Variants in EYA3 observed in about 807,000 individuals in gnomAD.
EYA3 encodes the protein EYA transcriptional coactivator and phosphatase 3, also known as protein phosphatase EYA3.
In EYA3, 39 loss-of-function variants were observed where a neutral mutation model predicts 80.0. That is an observed-to-expected ratio of 0.49 (90% confidence interval 0.38 to 0.64). The LOEUF is 0.64. Among genes scored for constraint, EYA3 ranks in the 30% least tolerant of loss-of-function variants. The probability of loss-of-function intolerance (pLI) is 0.00; values close to 1 mark genes in which losing one functional copy is unlikely to be tolerated. For missense variants in EYA3, 523 were observed against 676.1 expected (o/e 0.77, Z 2.51); for synonymous variants, 206 against 232.8 (o/e 0.88, Z 1.05).
intron 16 of EYA3, among the ~76,000 whole-genome samples, chr1:27,982,597 TTTTC>T (rs1639383348): frequency 6.6e-6 from 1 of 151,670 alleles, no homozygotes; most frequent in Non-Finnish European, 1.5e-5. Flanking sequence ...GTTCATCAGT[TTTTC>T]TTTTTTTTTG....
intron 1 of EYA3, 137 bp from the exon 2 acceptor site, chr1:28,058,231 A>C: frequency 2.4e-6 from 1 of 416,870 alleles, no homozygotes; most frequent in Non-Finnish European, 4.3e-6. Flanking sequence ...TCAAACCTGC[A>C]CGTGGCTTTT....
At chr1:28,019,097 C>T (rs1231634175) in intron 7 of EYA3, among the ~76,000 whole-genome samples, 1 of 152,094 alleles carries the variant, frequency 6.6e-6, no homozygotes, top group African/African-American at 2.4e-5. Flanking sequence ...ACTCGGGAGG[C>T]AGAGGTTGCA....
chr1:27,998,017 C>G (rs1640575544), intron 12 of EYA3, among the ~76,000 whole-genome samples: 1 of 152,062 alleles, frequency 6.6e-6, no homozygotes, highest in Non-Finnish European at 1.5e-5. Context: ...TTTTTTCCCC[C>G]GCTTCTAATC....
At chr1:28,042,795 A>C (rs1374301803) in intron 3 of EYA3, 145 bp from the exon 4 acceptor site, 2 of 661,044 alleles carry the variant, frequency 3.0e-6, no homozygotes, top group Non-Finnish European at 5.4e-6. Context: ...GATTTTTAAC[A>C]ACTACTTGAA....
chr1:28,028,639 A>G (rs1323382730), intron 6 of EYA3, among the ~76,000 whole-genome samples: 1 of 150,192 alleles, frequency 6.7e-6, no homozygotes, highest in Non-Finnish European at 1.5e-5. Context: ...CTGGTCTTGA[A>G]CTCCAGGCCT....
chr1:28,031,076 CTCTTA>C (rs1216332168), intron 6 of EYA3, among the ~76,000 whole-genome samples: 6 of 152,088 alleles, frequency 3.9e-5, no homozygotes, highest in Non-Finnish European at 5.9e-5. Context: ...GATAGTCTCC[CTCTTA>C]TAAGATCAAA....
Position 28,030,939 on chromosome 1 carries a change from C to G in EYA3, c.362-3013G>C, listed in dbSNP as rs112543232. Among the ~76,000 whole-genome samples the G allele has an allele frequency of 7.7e-3, 1,170 of 152,258 alleles. 10 individuals carry two copies. The highest frequency in any genetic ancestry group is 0.051 in the Middle Eastern group (15 of 294). ...TCACAATAACTTTCAGATTTATTGT[C>G]ATCACTGTGATTTCTTTTTCCAAAT... On this transcript the variant is annotated intron_variant, in intron 6 of 17. Transcript: ENST00000373871.
Position 27,989,699 on chromosome 1 carries a change from G to A in EYA3, c.1416C>T (p.Ser472=). The part of the protein sequence containing the change: ...TALKSLLLIQ[S]RKNCVNVLIT... Reference sequence around the variant, plus strand: ...ACCTAAAAGAACCATTTCCATACCTGGACTGGATGAGAAGTAAGGACTTTA... The same window carrying A: ...ACCTAAAAGAACCATTTCCATACCTAGACTGGATGAGAAGTAAGGACTTTA... The change falls in exon 15 of 18, where the codon TCC becomes TCT. Residue 472 remains serine, a splice_region_variant and synonymous_variant. Transcript: ENST00000373871. The A allele has an allele frequency of 6.3e-7, 1 of 1,595,212 alleles. No homozygotes were observed. The highest frequency in any genetic ancestry group is 8.6e-7 in the Non-Finnish European group (1 of 1,165,486).
chr1:28,027,885 G>C lies in EYA3; in HGVS notation c.403C>G (p.Gln135Glu). ...PGMKPESGLI[Q>E]TPSPSQHSVL... Reference sequence around the variant, plus strand: ...CTGTGTTGACTTGGAGATGGAGTCTGAATTAAACCACTTTCAGGTTTCATA... The same window carrying C: ...CTGTGTTGACTTGGAGATGGAGTCTCAATTAAACCACTTTCAGGTTTCATA... Residue 135 changes from glutamine to glutamate, a missense_variant, in exon 7 of 18, where the codon CAG becomes GAG. By Grantham distance (29) the Gln-to-Glu change is conservative. Around this residue, in one of 2 missense-constraint regions of EYA3, gnomAD observed 304 missense variants for 343.3 expected, o/e 0.89. Coordinates refer to ENST00000373871, the MANE Select transcript of EYA3 (RefSeq NM_001990.4). 6.2e-7 allele frequency: 1 copy of C among 1,614,100 alleles called. No individual in the cohort carries two copies. The highest frequency in any genetic ancestry group is 8.5e-7 in the Non-Finnish European group (1 of 1,180,006).
chr1:28,002,099 G>A (rs1283990148), intron 11 of EYA3, among the ~76,000 whole-genome samples: 1 of 151,806 alleles, frequency 6.6e-6, no homozygotes, highest in African/African-American at 2.4e-5. Context: ...ATTTTTAGTA[G>A]AGACGGGGTT....
chr1:27,975,795 A>G (rs1347966992), intron 17 of EYA3, among the ~76,000 whole-genome samples: 1 of 151,162 alleles, frequency 6.6e-6, no homozygotes, highest in Non-Finnish European at 1.5e-5. Context: ...ATATTTTTAA[A>G]TTAAATTAAA....
chr1:28,049,062 G>A (rs1270221112), intron 2 of EYA3, among the ~76,000 whole-genome samples: 4 of 152,134 alleles, frequency 2.6e-5, no homozygotes, highest in Admixed American at 2.6e-4. Context: ...TCTCTGGTTA[G>A]AACTGGTTGT....
intron 2 of EYA3, 67 bp from the exon 3 acceptor site, chr1:28,048,493 A>G (rs944151486): frequency 7.5e-6 from 9 of 1,207,422 alleles, no homozygotes; most frequent in Non-Finnish European, 9.7e-6. Context: ...TAGCTACTCA[A>G]ACAACAGGCT....
chr1:28,070,919 T>C (rs547685708), intron 1 of EYA3, among the ~76,000 whole-genome samples: 69 of 152,258 alleles, frequency 4.5e-4, no homozygotes, highest in African/African-American at 1.4e-3. Context: ...ATACATTCAC[T>C]ATACTGTTTT....
chr1:28,041,613 T>C (rs1018196946), intron 4 of EYA3, among the ~76,000 whole-genome samples: 3 of 151,032 alleles, frequency 2.0e-5, no homozygotes, highest in African/African-American at 7.3e-5. Flanking sequence ...AAAGTAAAAA[T>C]AGAAAGGTAG....
intron 3 of EYA3, among the ~76,000 whole-genome samples, chr1:28,043,751 T>C (rs911937260): frequency 1.3e-5 from 2 of 152,256 alleles, no homozygotes; most frequent in Non-Finnish European, 2.9e-5. Flanking sequence ...GGCCTGAGAA[T>C]TACCTGAACT....
chr1:28,011,737 G>A (rs1256613162), intron 9 of EYA3, among the ~76,000 whole-genome samples: 1 of 152,132 alleles, frequency 6.6e-6, no homozygotes. Context: ...AAAGAGACGG[G>A]AGGATTTATA....
At chr1:28,019,105 G>A (rs892150818) in intron 7 of EYA3, among the ~76,000 whole-genome samples, 5 of 152,174 alleles carry the variant, frequency 3.3e-5, no homozygotes. Flanking sequence ...GGCAGAGGTT[G>A]CAGTGAGCTG....
chr1:28,031,206 AC>A (rs1216395393), intron 6 of EYA3, among the ~76,000 whole-genome samples: 1 of 152,202 alleles, frequency 6.6e-6, no homozygotes, highest in Non-Finnish European at 1.5e-5. Flanking sequence ...GGAATAAAAA[AC>A]AATACAGACA....
Sources: allele counts gnomAD v4.1 joint callset (sites outside exome capture counted in the v4.1 genomes callset), GRCh38; gene constraint gnomAD v4.1.1; regional missense constraint gnomAD v4.1.1; transcripts MANE v1.5; gene names NCBI Gene and HGNC (gene_info 2026-07-23, HGNC 2026-07-21).